The following OCLN variants were observed in gnomAD, a reference collection of about 807,000 sequenced individuals.
OCLN encodes the protein occludin.
OCLN carries 21 observed loss-of-function variants against 47.9 expected under a neutral mutation model. The ratio of observed to expected loss-of-function variants is 0.44; its 90% confidence interval spans 0.31 to 0.63. The LOEUF (loss-of-function observed/expected upper bound fraction) is 0.63, where lower values mean the gene tolerates loss of function less well. OCLN is among the 30% of genes least tolerant of loss of function. The pLI, the probability that OCLN is intolerant of heterozygous loss-of-function variation, is 0.08. For synonymous variants in OCLN, 117 were observed against 198.4 expected (o/e 0.59, Z 3.45); for missense variants, 360 against 571.0 (o/e 0.63, Z 3.77).
chr5:69,506,721 T>C (rs955100016), intron 2 of OCLN, among the ~76,000 whole-genome samples: 1 of 152,178 alleles, frequency 6.6e-6, no homozygotes, highest in Non-Finnish European at 1.5e-5. Flanking sequence ...ACTAAATACA[T>C]ATTTTACAAT....
rs1768187069 is a variant in OCLN at position 69,493,117 on chromosome 5, G to C, written c.-69+217G>C. Among the ~76,000 whole-genome samples the C allele has an allele frequency of 6.6e-6, 1 of 152,216 alleles. No homozygotes were observed. The highest frequency in any genetic ancestry group is 2.4e-5 in the African/African-American group (1 of 41,458). On this transcript the variant is annotated intron_variant, in intron 1 of 8. Coordinates refer to ENST00000396442, the MANE Select transcript of OCLN (RefSeq NM_001205254.2). The surrounding 1 kb of genome is among the most constrained non-coding windows in gnomAD (Gnocchi z 5.3). Reference sequence around the variant, plus strand: ...CTTGGGAGGCTGCCTCCTGGGGCGAGGGGTGGCTTGGAGCCGCCGATCAAG... The same window carrying C: ...CTTGGGAGGCTGCCTCCTGGGGCGACGGGTGGCTTGGAGCCGCCGATCAAG...
intron 3 of OCLN, among the ~76,000 whole-genome samples, chr5:69,513,281 T>TA (rs1768836001): frequency 6.6e-6 from 1 of 152,102 alleles, no homozygotes; most frequent in East Asian, 1.9e-4. Flanking sequence ...GGAGAACTGT[T>TA]AAGAGTAGGA....
intron 1 of OCLN, among the ~76,000 whole-genome samples, chr5:69,494,306 C>T (rs1399859387): frequency 6.6e-6 from 1 of 152,180 alleles, no homozygotes; most frequent in Admixed American, 6.5e-5. Context: ...TCCTGCTCAG[C>T]CTCCCGAATA....
chr5:69,533,622 A>G (rs1247281997), intron 4 of OCLN, among the ~76,000 whole-genome samples: 2 of 152,170 alleles, frequency 1.3e-5, no homozygotes, highest in Admixed American at 1.3e-4. Flanking sequence ...CATTCCTCAG[A>G]TAAGAAGAAC....
At chr5:69,502,272 A>G (rs1561330854) in intron 1 of OCLN, 1 of 148,280 alleles carries the variant, frequency 6.7e-6, no homozygotes, top group Non-Finnish European at 1.5e-5. Flanking sequence ...TTGTTAATAT[A>G]TTAATGTATG....
chr5:69,531,431 TGAG>T (rs1267731481), intron 4 of OCLN, among the ~76,000 whole-genome samples: 6 of 152,194 alleles, frequency 3.9e-5, no homozygotes, highest in Non-Finnish European at 8.8e-5. Flanking sequence ...GCTCACGCTG[TGAG>T]GAGGAGGTGG....
intron 4 of OCLN, among the ~76,000 whole-genome samples, chr5:69,527,387 A>G (rs1443418979): frequency 2.0e-5 from 3 of 152,264 alleles, no homozygotes; most frequent in African/African-American, 7.2e-5. Context: ...AAGTTACTGA[A>G]ATCAGTTTCT....
intron 2 of OCLN, among the ~76,000 whole-genome samples, chr5:69,507,360 C>A (rs1561333446): frequency 6.6e-6 from 1 of 152,162 alleles, no homozygotes; most frequent in African/African-American, 2.4e-5. Context: ...GTCTCAAATT[C>A]CTGACCTCAG....
Position 69,495,072 on chromosome 5 carries a change from G to C in OCLN, c.-69+2172G>C, listed in dbSNP as rs75419675. 2.9e-4 allele frequency among the ~76,000 whole-genome samples: 44 copies of C among 152,236 alleles called. No individual in the cohort carries two copies. In the East Asian group the frequency reaches 6.0e-3, roughly 21 times the overall value. On this transcript the variant is annotated intron_variant, in intron 1 of 8. Coordinates refer to ENST00000396442, the MANE Select transcript of OCLN (RefSeq NM_001205254.2). ...TTGGAATTACTACCTTTTCAAAATA[G>C]TATATTACTTTTAACCACATAAATG... is the stretch of plus-strand genomic sequence containing the variant.
At chr5:69,511,296 G>A (rs1222783302) in intron 3 of OCLN, among the ~76,000 whole-genome samples, 1 of 150,286 alleles carries the variant, frequency 6.7e-6, no homozygotes, top group Non-Finnish European at 1.5e-5. Context: ...TGTTAGCCAC[G>A]ATGGTCTCTA....
chr5:69,535,936 C>G (rs1160428099), intron 5 of OCLN, among the ~76,000 whole-genome samples: 2 of 152,124 alleles, frequency 1.3e-5, no homozygotes, highest in Non-Finnish European at 2.9e-5. Context: ...ACCGGCCTGA[C>G]CAACATGGAG....
chr5:69,493,394 C>T lies in OCLN; in HGVS notation c.-69+494C>T, dbSNP rs893410372. Among the ~76,000 whole-genome samples, 1 of 152,066 alleles carries T rather than the reference C, an allele frequency of 6.6e-6. No individual in the cohort carries two copies. The highest frequency in any genetic ancestry group is 1.5e-5 in the Non-Finnish European group (1 of 68,016). On this transcript the variant is annotated intron_variant, in intron 1 of 8. Transcript: ENST00000396442. The surrounding 1 kb of genome is among the most constrained non-coding windows in gnomAD (Gnocchi z 5.3). ...CCCGGGGGGAATTTCATTCCTTCCG[C>T]TCCCACCCCACCCCTTTGGATATCC...
intron 4 of OCLN, among the ~76,000 whole-genome samples, chr5:69,526,180 C>T (rs977756985): frequency 2.6e-5 from 4 of 152,142 alleles, no homozygotes; most frequent in Non-Finnish European, 4.4e-5. Flanking sequence ...ATGATGTGTG[C>T]GCTAGGCCTG....
chr5:69,517,375 A>G (rs1284211969), intron 4 of OCLN, among the ~76,000 whole-genome samples: 4 of 151,186 alleles, frequency 2.6e-5, no homozygotes, highest in African/African-American at 9.7e-5. Context: ...CAGTGGTGCA[A>G]TATTGGCTCA....
In OCLN at chr5:69,557,729, A is replaced by G. The variant is rs1318247760; in HGVS notation, c.*4058A>G. 1.2e-5 allele frequency: 1 copy of G among 82,088 alleles called. No homozygotes were observed. The highest frequency in any genetic ancestry group is 3.7e-5 in the Non-Finnish European group (1 of 27,244). 5.1% of individuals were successfully genotyped at this position (82,088 alleles called of 1,614,324 possible). On this transcript the variant is annotated 3_prime_UTR_variant, in exon 9 of 9. Transcript: ENST00000396442. ...TTCTGGAATGATTTAGTTTCCCTGT[A>G]AGGGAGCCTGTCTATTGGAATAGAC...
intron 4 of OCLN, among the ~76,000 whole-genome samples, chr5:69,517,317 T>A (rs865972113): frequency 0.049 from 1,026 of 21,068 alleles, 8 homozygotes; most frequent in Non-Finnish European, 0.16. Flanking sequence ...TATATATATT[T>A]TTTTTTTTTT....
intron 4 of OCLN, among the ~76,000 whole-genome samples, chr5:69,515,398 G>A (rs1264310750): frequency 2.8e-5 from 4 of 144,174 alleles, no homozygotes; most frequent in African/African-American, 1.0e-4. Context: ...GCGGCTGGCC[G>A]GGCAGGGGGC....
rs78805358 is a variant in OCLN at position 69,518,900 on chromosome 5, C to T, written c.891+4791C>T. 6.7e-3 allele frequency among the ~76,000 whole-genome samples: 1,025 copies of T among 152,182 alleles called. 14 individuals are homozygous for T. The highest frequency in any genetic ancestry group is 0.023 in the African/African-American group (972 of 41,506). On this transcript the variant is annotated intron_variant, in intron 4 of 8. Coordinates refer to ENST00000396442, the MANE Select transcript of OCLN (RefSeq NM_001205254.2). ...CTCATGTCTGTAATCCCAGTACTTG[C>T]GAGGCCAAGGAGGATCACTTGAGCC...
chr5:69,512,463 A>G (rs1287050929), intron 3 of OCLN, among the ~76,000 whole-genome samples: 1 of 152,202 alleles, frequency 6.6e-6, no homozygotes, highest in Non-Finnish European at 1.5e-5. Context: ...ACTTTATAGT[A>G]AGTTTTGAAA....
Sources: gnomAD v4.1 joint callset for allele counts (sites outside exome capture counted in the v4.1 genomes callset) on GRCh38, gnomAD v4.1.1 for gene constraint, Gnocchi (gnomAD v3.1) non-coding constraint, MANE v1.5 for transcripts, NCBI Gene and HGNC (gene_info 2026-07-23, HGNC 2026-07-21) for gene names.